The following C9orf153 variants were observed in gnomAD, a reference collection of about 807,000 sequenced individuals.
C9orf153 encodes the protein chromosome 9 open reading frame 153.
C9orf153 carries 10 observed loss-of-function variants against 9.0 expected under a neutral mutation model. That is an observed-to-expected ratio of 1.11 (90% CI 0.69 to 1.89). The LOEUF (loss-of-function observed/expected upper bound fraction) is 1.89, where lower values mean the gene tolerates loss of function less well. Ranked by LOEUF, C9orf153 falls within the 40% of genes most tolerant of loss-of-function variation. The probability of loss-of-function intolerance (pLI) is 0.00; values close to 1 mark genes in which losing one functional copy is unlikely to be tolerated. For synonymous variants in C9orf153, 35 were observed against 37.3 expected (o/e 0.94, Z 0.23); for missense variants, 108 against 111.0 (o/e 0.97, Z 0.12).
chr9:86,249,579 T>C (rs545156478), intron 1 of C9orf153, among the ~76,000 whole-genome samples: 2 of 151,968 alleles, frequency 1.3e-5, no homozygotes, highest in Admixed American at 6.5e-5. Flanking sequence ...GACAGGGTCT[T>C]ACTCTGTCAC....
intron 1 of C9orf153, among the ~76,000 whole-genome samples, chr9:86,234,532 C>A (rs2131183962): frequency 6.6e-6 from 1 of 152,118 alleles, no homozygotes; most frequent in Admixed American, 6.6e-5. Context: ...GACATTAGAC[C>A]CCTACCTCAA....
intron 1 of C9orf153, among the ~76,000 whole-genome samples, chr9:86,240,442 T>A (rs575955474): frequency 6.9e-4 from 104 of 150,112 alleles, no homozygotes; most frequent in African/African-American, 2.3e-3. Flanking sequence ...AGTGGCGCTA[T>A]CTCGGCTCAC....
At chr9:86,244,616 T>C (rs1824825199) in intron 1 of C9orf153, among the ~76,000 whole-genome samples, 1 of 152,248 alleles carries the variant, frequency 6.6e-6, no homozygotes, top group African/African-American at 2.4e-5. Flanking sequence ...TTACAGAGCA[T>C]GTCAGAGTTT....
intron 1 of C9orf153, among the ~76,000 whole-genome samples, chr9:86,249,145 T>C (rs1824936078): frequency 6.6e-6 from 1 of 152,234 alleles, no homozygotes; most frequent in Non-Finnish European, 1.5e-5. Flanking sequence ...TACTCCTTTC[T>C]GTCTATGGCA....
At chr9:86,238,264 C>T (rs770849479) in intron 1 of C9orf153, among the ~76,000 whole-genome samples, 3 of 152,128 alleles carry the variant, frequency 2.0e-5, no homozygotes, top group Non-Finnish European at 4.4e-5. Context: ...TTGAACTGAA[C>T]GGTCCCATCA....
chr9:86,223,435 T>C (rs1248004345), intron 3 of C9orf153, among the ~76,000 whole-genome samples: 1 of 152,110 alleles, frequency 6.6e-6, no homozygotes, highest in East Asian at 1.9e-4. Flanking sequence ...GCTGCTGCAC[T>C]CCAGCCTGGG....
intron 2 of C9orf153, 99 bp from the exon 3 acceptor site, chr9:86,228,129 A>G: frequency 2.4e-6 from 2 of 840,214 alleles, no homozygotes; most frequent in Non-Finnish European, 3.6e-6. Flanking sequence ...ACAATAAATA[A>G]CCATAAAGAC....
In C9orf153 at chr9:86,243,534, C is replaced by T. The variant is rs186198819; in HGVS notation, c.-26-13905G>A. 2.1e-4 allele frequency among the ~76,000 whole-genome samples: 31 copies of T among 149,726 alleles called. No homozygotes were observed. The East Asian group carries it at 5.1e-3, about 25-fold the overall frequency. On this transcript the variant is annotated intron_variant, in intron 1 of 3. Transcript: ENST00000339137. ...AGGCTGGAGTGCAATGGCGCGATCT[C>T]GGCTCACCGCAACCTCTGCCTCCCA...
Position 86,244,932 on chromosome 9 carries a change from C to T in C9orf153, c.-27+14618G>A, listed in dbSNP as rs185764911. 2.6e-5 allele frequency among the ~76,000 whole-genome samples: 4 copies of T among 152,256 alleles called. No individual in the cohort carries two copies. The East Asian group carries it at 7.7e-4, about 29-fold the overall frequency. ...ATAGATATCTCCTGCAAACTTACAC[C>T]TCTCTTTTTTTGAGATGGAGTTTCA... On this transcript the variant is annotated intron_variant, in intron 1 of 3. Transcript: ENST00000339137.
chr9:86,229,515 G>A (rs200644443), intron 2 of C9orf153, 23 bp downstream of exon 2: 117 of 1,535,588 alleles, frequency 7.6e-5, no homozygotes, highest in African/African-American at 1.1e-4. Context: ...TGTACACCTC[G>A]TTGTACAATG....
chr9:86,240,707 C>CTTTTTTTTTTTTTTTTT (rs367674249), intron 1 of C9orf153, among the ~76,000 whole-genome samples: 3 of 117,012 alleles, frequency 2.6e-5, no homozygotes, highest in Non-Finnish European at 3.5e-5. Context: ...TTTTCTTTTT[C>CTTTTTTTTTTTTTTTTT]TTTTTTTTTT....
At chr9:86,257,781 G>A (rs1250192537) in intron 1 of C9orf153, among the ~76,000 whole-genome samples, 1 of 152,234 alleles carries the variant, frequency 6.6e-6, no homozygotes, top group Non-Finnish European at 1.5e-5. Flanking sequence ...GCTCCTCAGA[G>A]AGGGGAAAAG....
intron 1 of C9orf153, among the ~76,000 whole-genome samples, chr9:86,259,301 G>A (rs1454068685): frequency 6.6e-6 from 1 of 152,156 alleles, no homozygotes; most frequent in Non-Finnish European, 1.5e-5. Flanking sequence ...GAAAGGATGA[G>A]GGAGTCTGCA....
At chr9:86,258,627 G>A (rs1171809726) in intron 1 of C9orf153, 1 of 152,124 alleles carries the variant, frequency 6.6e-6, no homozygotes, top group Non-Finnish European at 1.5e-5. Context: ...AGATGTTGCA[G>A]CCAGATCACC....
chr9:86,253,720 A>G (rs1270902827), intron 1 of C9orf153, among the ~76,000 whole-genome samples: 1 of 152,146 alleles, frequency 6.6e-6, no homozygotes, highest in Non-Finnish European at 1.5e-5. Flanking sequence ...TCAGCCTCTC[A>G]AGTAATTGGA....
At chr9:86,227,624 CATAAG>C (rs1288829227) in intron 3 of C9orf153, 1 of 985,206 alleles carries the variant, frequency 1.0e-6, no homozygotes, top group African/African-American at 1.7e-5. Context: ...GCCTAAGCTG[CATAAG>C]ATTTTGGGGC....
At chr9:86,233,371 G>C (rs1346786206) in intron 1 of C9orf153, among the ~76,000 whole-genome samples, 1 of 152,078 alleles carries the variant, frequency 6.6e-6, no homozygotes, top group Non-Finnish European at 1.5e-5. Flanking sequence ...AAAAACAATA[G>C]TGACTTCTTA....
chr9:86,231,433 G>T (rs971474260), intron 1 of C9orf153, among the ~76,000 whole-genome samples: 1 of 152,028 alleles, frequency 6.6e-6, no homozygotes, highest in East Asian at 1.9e-4. Flanking sequence ...ATGACTGGCA[G>T]CTGTGGTCAC....
intron 1 of C9orf153, among the ~76,000 whole-genome samples, chr9:86,246,238 G>A (rs1824861250): frequency 1.3e-5 from 2 of 152,100 alleles, no homozygotes; most frequent in African/African-American, 4.8e-5. Flanking sequence ...TATTTGCCTT[G>A]GAAAGATGTT....
Sources: gnomAD v4.1 joint callset for allele counts (sites outside exome capture counted in the v4.1 genomes callset) on GRCh38, gnomAD v4.1.1 for gene constraint, MANE v1.5 for transcripts, NCBI Gene and HGNC (gene_info 2026-07-23, HGNC 2026-07-21) for gene names.